The following GPR20 variants were observed in gnomAD, a reference collection of about 807,000 sequenced individuals.
GPR20 encodes CTD-3064M3.3.
For synonymous variants in GPR20, 241 were observed against 241.9 expected, an observed-to-expected ratio of 1.00 and a Z score of 0.04; for missense variants, 494 against 527.4, an observed-to-expected ratio of 0.94 and a Z score of 0.62.
chr8:141,358,918 GGC>G (rs991885234), intron 1 of GPR20, among the ~76,000 whole-genome samples: 3 of 150,638 alleles, frequency 2.0e-5, no homozygotes, highest in Non-Finnish European at 4.5e-5. Flanking sequence ...CAGGGTGGGG[GGC>G]GGGCGAGGGG....
At chr8:141,358,726 G>A (rs1284781588) in intron 1 of GPR20, among the ~76,000 whole-genome samples, 1 of 152,228 alleles carries the variant, frequency 6.6e-6, no homozygotes, top group Non-Finnish European at 1.5e-5. Flanking sequence ...GGGAGCCAAG[G>A]ACCAGTCTCA....
At chr8:141,361,398 C>T (rs1007449588) in intron 1 of GPR20, among the ~76,000 whole-genome samples, 6 of 152,356 alleles carry the variant, frequency 3.9e-5, no homozygotes, top group East Asian at 1.9e-4. Flanking sequence ...CATCTCTGAA[C>T]GGACTATGTG....
chr8:141,365,440 C>A (rs570750167), intron 1 of GPR20, among the ~76,000 whole-genome samples: 3 of 152,244 alleles, frequency 2.0e-5, no homozygotes, highest in African/African-American at 7.2e-5. Flanking sequence ...CAGCCTTCTG[C>A]GGCACCCAGC....
chr8:141,357,661 G>T lies in GPR20; in HGVS notation c.263C>A (p.Ser88Ter), dbSNP rs1271079499. 5 of 1,613,856 alleles carry T rather than the reference G, an allele frequency of 3.1e-6. No homozygotes were observed. The highest frequency in any genetic ancestry group is 4.2e-6 in the Non-Finnish European group (5 of 1,180,014). The part of the protein sequence containing the change: ...FCCRTRAKTP[S>*]VIYTINLVVT... ...CACCAGGTTGATGGTGTAGATGACT[G>T]AGGGTGTCTTGGCCCGGGTGCGGCA... Residue 88 changes from serine to a stop codon, truncating the protein, a stop_gained, in exon 2 of 2, where the codon TCA (serine) becomes TAA (stop). Transcript: ENST00000377741. LOFTEE classifies it low-confidence loss of function (END_TRUNC).
rs545577653 is a variant in GPR20, at chr8:141,361,844, C to T, written c.-24-3897G>A. Among the ~76,000 whole-genome samples the T allele has an allele frequency of 3.7e-3, 558 of 152,210 alleles. 7 individuals carry two copies. The highest frequency in any genetic ancestry group is 0.013 in the African/African-American group (531 of 41,514). On this transcript the variant is annotated intron_variant, in intron 1 of 1. Coordinates refer to ENST00000377741, the MANE Select transcript of GPR20 (RefSeq NM_005293.3). The stretch of plus-strand genomic sequence containing the variant: ...CTTTTCTGTTTCTGGCCCACCCTTC[C>T]GGGTGGGCAGACCCCCAGAGCCCCC...
chr8:141,363,592 C>T (rs1326423742), intron 1 of GPR20, among the ~76,000 whole-genome samples: 1 of 152,374 alleles, frequency 6.6e-6, no homozygotes, highest in Middle Eastern at 3.4e-3. Flanking sequence ...CTGCTGGGCA[C>T]CCGGCCATGG....
In GPR20 at chr8:141,357,826, G is replaced by A; in HGVS notation, c.98C>T (p.Pro33Leu). The stretch of plus-strand genomic sequence containing the variant: ...CAGCCGGGCAAACAGGTGGAACAGG[G>A]GCACCTCCAGCCCGCTGGCATTGGT... ...VRTNASGLEV[P>L]LFHLFARLDE... Residue 33 changes from proline (P) to leucine (L), a missense_variant, in exon 2 of 2, where the codon CCC becomes CTC. By Grantham distance (98) the Pro-to-Leu change is moderately conservative (BLOSUM62 -3). Coordinates refer to ENST00000377741, the MANE Select transcript of GPR20 (RefSeq NM_005293.3). 5.6e-6 allele frequency: 9 copies of A among 1,613,214 alleles called. No individual in the cohort carries two copies. Among genetic ancestry groups the A allele is most frequent in the Non-Finnish European group, 7.6e-6 (9 of 1,179,842 alleles).
In GPR20 at chr8:141,357,769, A is replaced by G; in HGVS notation, c.155T>C (p.Leu52Pro). 6.2e-7 allele frequency: 1 copy of G among 1,613,428 alleles called. No homozygotes were observed. The highest frequency in any genetic ancestry group is 8.5e-7 in the Non-Finnish European group (1 of 1,179,960). Residue 52 changes from leucine (L) to proline (P), a missense_variant, in exon 2 of 2, where the codon CTG (leucine) becomes CCG (proline). By Grantham distance (98) the Leu-to-Pro change is moderately conservative. Transcript: ENST00000377741. ...DEELHGTFPG[L>P]WLALMAVHGA... ...GTGCACCGCCATCAGCGCCAGCCAC[A>G]GGCCTGGGAAGGTGCCATGCAGCTC...
At chr8:141,360,439 C>T (rs945686647) in intron 1 of GPR20, among the ~76,000 whole-genome samples, 9 of 152,216 alleles carry the variant, frequency 5.9e-5, no homozygotes, top group South Asian at 4.1e-4. Flanking sequence ...GCCCTCAGCC[C>T]GGACCTTCTG....
chr8:141,357,198 G>C lies in GPR20; in HGVS notation c.726C>G (p.Leu242=), dbSNP rs778103221. The C allele has an allele frequency of 1.3e-6, 2 of 1,585,542 alleles. No homozygotes were observed. The highest frequency in any genetic ancestry group is 1.7e-6 in the Non-Finnish European group (2 of 1,168,780). ...GRQRRVRAMQ[L]LLTVLIIFLV... is the part of the protein sequence containing the mutation. ...GAAAGATGATGAGCACCGTGAGCAGGAGCTGCATGGCCCGCACGCGGCGCT... is the reference window on the plus strand; with the variant it reads ...GAAAGATGATGAGCACCGTGAGCAGCAGCTGCATGGCCCGCACGCGGCGCT... Residue 242 remains leucine, a synonymous_variant, in exon 2 of 2, where the codon CTC becomes CTG. Transcript: ENST00000377741.
intron 1 of GPR20, among the ~76,000 whole-genome samples, chr8:141,358,919 G>A (rs112061272): frequency 2.3e-4 from 35 of 152,216 alleles, no homozygotes; most frequent in African/African-American, 7.7e-4. Flanking sequence ...AGGGTGGGGG[G>A]CGGGCGAGGG....
At chr8:141,365,935 T>C (rs1831807958) in intron 1 of GPR20, among the ~76,000 whole-genome samples, 1 of 152,216 alleles carries the variant, frequency 6.6e-6, no homozygotes, top group African/African-American at 2.4e-5. Flanking sequence ...CTTCCCTCAC[T>C]GAACTGGAGT....
At chr8:141,362,808 C>G (rs1831755217) in intron 1 of GPR20, among the ~76,000 whole-genome samples, 1 of 151,030 alleles carries the variant, frequency 6.6e-6, no homozygotes, top group African/African-American at 2.5e-5. Context: ...AGACGGAGTG[C>G]TGTGGCGAAA....
intron 1 of GPR20, among the ~76,000 whole-genome samples, chr8:141,360,679 G>A (rs565112396): frequency 5.3e-5 from 8 of 152,236 alleles, no homozygotes; most frequent in African/African-American, 2.4e-5. Context: ...CTGGGGAAAG[G>A]AGAAGGTTCC....
chr8:141,364,404 C>T (rs368642277), intron 1 of GPR20, among the ~76,000 whole-genome samples: 29 of 152,344 alleles, frequency 1.9e-4, no homozygotes, highest in African/African-American at 6.5e-4. Context: ...TCTGAGCCTC[C>T]GTTTCTTCCA....
chr8:141,356,971 C>A lies in GPR20; in HGVS notation c.953G>T (p.Arg318Leu), dbSNP rs374951904. 12 of 1,613,148 alleles carry A rather than the reference C, an allele frequency of 7.4e-6. No individual in the cohort carries two copies. The highest frequency in any genetic ancestry group is 9.3e-6 in the Non-Finnish European group (11 of 1,179,986). Residue 318 changes from arginine (R) to leucine (L), a missense_variant, in exon 2 of 2, where the codon CGT (arginine) becomes CTT (leucine). By Grantham distance (102) the Arg-to-Leu change is moderately radical. Transcript: ENST00000377741. ...VRGLFGQHGE[R>L]EPSSGDVVSM... ...GACCACGTCACCGCTGCTGGGCTCACGCTCTCCGTGCTGGCCGAAGAGGCC... is the reference window on the plus strand; with the variant it reads ...GACCACGTCACCGCTGCTGGGCTCAAGCTCTCCGTGCTGGCCGAAGAGGCC...
chr8:141,362,379 A>C (rs1227505579), intron 1 of GPR20, among the ~76,000 whole-genome samples: 1 of 152,054 alleles, frequency 6.6e-6, no homozygotes, highest in Non-Finnish European at 1.5e-5. Flanking sequence ...TTGGACTCTG[A>C]GCATCTTGAG....
chr8:141,357,219 G>A lies in GPR20; in HGVS notation c.705C>T (p.Arg235=), dbSNP rs1831658350. Residue 235 remains arginine (R), a synonymous_variant, in exon 2 of 2, where the codon CGC becomes CGT. Transcript: ENST00000377741. ...GCAGGAGCTGCATGGCCCGCACGCGGCGCTGGCGACCCTGGTGGAGCAGAC... is the reference window on the plus strand; with the variant it reads ...GCAGGAGCTGCATGGCCCGCACGCGACGCTGGCGACCCTGGTGGAGCAGAC... ...RPGLLHQGRQ[R]RVRAMQLLLT... 2 of 1,563,706 alleles carry A rather than the reference G, an allele frequency of 1.3e-6. No individual in the cohort carries two copies. Among genetic ancestry groups the A allele is most frequent in the South Asian group, 2.3e-5 (2 of 86,896 alleles).
Position 141,357,440 on chromosome 8 carries a change from G to C in GPR20, c.484C>G (p.Arg162Gly). 3 of 1,595,746 alleles carry C rather than the reference G, an allele frequency of 1.9e-6. No homozygotes were observed. Among genetic ancestry groups the C allele is most frequent in the Non-Finnish European group, 2.6e-6 (3 of 1,173,226 alleles). Residue 162 changes from arginine to glycine, a missense_variant, in exon 2 of 2, where the codon CGC becomes GGC. Transcript: ENST00000377741. The part of the protein sequence containing the change: ...IVRPEGSRRC[R>G]QPACARAVCA... ...ACGGCCCTGGCACAGGCAGGCTGGC[G>C]GCAGCGGCGGGAGCCTTCGGGCCGC...
Sources: allele counts gnomAD v4.1 joint callset (sites outside exome capture counted in the v4.1 genomes callset), GRCh38; gene constraint gnomAD v4.1.1; transcripts MANE v1.5; gene names NCBI Gene and HGNC (gene_info 2026-07-23, HGNC 2026-07-21).